The following C1orf54 variants were observed in gnomAD, a reference collection of about 807,000 sequenced individuals.
C1orf54 encodes chromosome 1 open reading frame 54.
A neutral mutation model predicts 14.7 loss-of-function variants in C1orf54; 12 were observed. The ratio of observed to expected loss-of-function variants is 0.82; its 90% confidence interval spans 0.52 to 1.32. The LOEUF (loss-of-function observed/expected upper bound fraction) is 1.32. Ranked by LOEUF, C1orf54 falls within the 40% of genes most tolerant of loss-of-function variation. C1orf54 has a pLI of 0.00. For synonymous variants in C1orf54, 65 were observed against 56.3 expected (o/e 1.16, Z -0.70); for missense variants, 163 against 162.2 (o/e 1.00, Z -0.03).
At chr1:150,279,595 G>A (rs782793663) in intron 4 of C1orf54, 48 bp from the exon 5 acceptor site, 1 of 1,530,250 alleles carries the variant, frequency 6.5e-7, no homozygotes, top group Non-Finnish European at 8.9e-7. Flanking sequence ...AGAAGTGGTA[G>A]GAGGAATGAC....
At chr1:150,278,924 A>C (rs963411214) in intron 4 of C1orf54, among the ~76,000 whole-genome samples, 3 of 152,248 alleles carry the variant, frequency 2.0e-5, no homozygotes, top group Admixed American at 6.5e-5. Flanking sequence ...AGATGAAAGA[A>C]GCCAGTAAGA....
chr1:150,277,502 TAAA>T (rs71083896), intron 4 of C1orf54, among the ~76,000 whole-genome samples: 2,759 of 41,048 alleles, frequency 0.067, 172 homozygotes, highest in African/African-American at 0.2. Flanking sequence ...GACTCTATAC[TAAA>T]AAAAAAAAAA....
At chr1:150,280,322 T>C (rs974247067) in intron 5 of C1orf54, among the ~76,000 whole-genome samples, 25 of 152,258 alleles carry the variant, frequency 1.6e-4, no homozygotes, top group African/African-American at 6.0e-4. Flanking sequence ...CAGACTTTTG[T>C]GATGAGTCAT....
At chr1:150,278,586 T>C (rs1652854932) in intron 4 of C1orf54, among the ~76,000 whole-genome samples, 1 of 151,962 alleles carries the variant, frequency 6.6e-6, no homozygotes, top group African/African-American at 2.4e-5. Context: ...GGAAGAGAAA[T>C]TAATGAATGG....
At chr1:150,270,283 C>T (rs952089375), upstream of C1orf54, among the ~76,000 whole-genome samples, 1 of 152,134 alleles carries the variant, frequency 6.6e-6, no homozygotes, top group Admixed American at 6.5e-5. Context: ...TATGTGCACA[C>T]TCACATACAT....
upstream of C1orf54, among the ~76,000 whole-genome samples, chr1:150,271,048 A>G (rs1483402556): frequency 2.6e-5 from 4 of 151,604 alleles, no homozygotes; most frequent in Admixed American, 2.0e-4. Flanking sequence ...CCTGTGTTCA[A>G]GACTCCAGTA....
At chr1:150,269,279 C>CA (rs1553850784), upstream of C1orf54, 1 of 181,684 alleles carries the variant, frequency 5.5e-6, no homozygotes, top group East Asian at 1.5e-4. Context: ...AAAGTGGTAG[C>CA]AATCATACCT....
chr1:150,272,405 G>T (rs1652273074), upstream of C1orf54: 1 of 180,454 alleles, frequency 5.5e-6, no homozygotes. Flanking sequence ...GCAACTCTGG[G>T]TGGTGATGGT....
At chr1:150,279,037 G>A (rs1553852990) in intron 4 of C1orf54, among the ~76,000 whole-genome samples, 2 of 152,234 alleles carry the variant, frequency 1.3e-5, no homozygotes, top group Admixed American at 6.5e-5. Context: ...TTTGGGAGCT[G>A]AGGTGGGCGG....
Position 150,275,767 on chromosome 1 carries a change from G to T in C1orf54, c.157G>T (p.Asp53Tyr), listed in dbSNP as rs782467459. 4.3e-6 allele frequency: 7 copies of T among 1,612,314 alleles called. No individual in the cohort carries two copies. The highest frequency in any genetic ancestry group is 1.7e-5 in the Admixed American group (1 of 59,976). The change falls in exon 3 of 6, where the codon GAT becomes TAT. Residue 53 changes from aspartate (D) to tyrosine (Y), a missense_variant. By Grantham distance (160) the Asp-to-Tyr change is radical. Coordinates refer to ENST00000369099, the MANE Select transcript of C1orf54 (RefSeq NM_024579.4). ...TGACTTTAGTGCAGATTTCACCATT[G>T]ATTACTCCATATTTGAGTCAGAGGA... ...YDDFSADFTI[D>Y]YSIFESEDRL... is the part of the protein sequence containing the mutation.
Position 150,272,921 on chromosome 1 carries a change from G to A in C1orf54, c.46+58G>A, listed in dbSNP as rs73011383. Reference sequence around the variant, plus strand: ...CAGGTCTTCTACCATAAATGGGGTGGGAGAAAAAAAATGAGGAGTGGGTGA... The same window carrying A: ...CAGGTCTTCTACCATAAATGGGGTGAGAGAAAAAAAATGAGGAGTGGGTGA... On this transcript the variant is annotated intron_variant, in intron 1 of 5. Transcript: ENST00000369099. 3.4e-3 allele frequency: 5,313 copies of A among 1,583,606 alleles called. 166 individuals carry two copies. In the African/African-American group the frequency reaches 0.064, roughly 19 times the overall value.
chr1:150,273,498 A>G (rs1205180144), intron 1 of C1orf54, among the ~76,000 whole-genome samples: 1 of 152,246 alleles, frequency 6.6e-6, no homozygotes, highest in Admixed American at 6.5e-5. Flanking sequence ...ATCCAGTCAT[A>G]TCAAAGCCAC....
At chr1:150,278,072 G>C (rs1009864181) in intron 4 of C1orf54, among the ~76,000 whole-genome samples, 21 of 148,722 alleles carry the variant, frequency 1.4e-4, no homozygotes, top group Admixed American at 7.5e-4. Context: ...ACTCCAGCCT[G>C]GGAAACAAGA....
intron 2 of C1orf54, among the ~76,000 whole-genome samples, chr1:150,274,373 G>A (rs1652459277): frequency 6.6e-6 from 1 of 152,090 alleles, no homozygotes; most frequent in Non-Finnish European, 1.5e-5. Context: ...GGCTGAGGCG[G>A]GCGGATCACG....
chr1:150,272,678 C>G, upstream of C1orf54: 1 of 788,662 alleles, frequency 1.3e-6, no homozygotes, highest in Non-Finnish European at 2.1e-6. Context: ...AGCCAGTAGG[C>G]GGGGAGTTCT....
At chr1:150,280,704 T>C (rs1439981411) in intron 5 of C1orf54, 131 bp from the exon 6 acceptor site, 11 of 686,112 alleles carry the variant, frequency 1.6e-5, no homozygotes, top group African/African-American at 1.3e-4. Flanking sequence ...CACACACATC[T>C]TTCCCAGGAG....
chr1:150,279,852 G>C, intron 5 of C1orf54, 111 bp downstream of exon 5: 1 of 932,044 alleles, frequency 1.1e-6, no homozygotes, highest in South Asian at 1.6e-5. Context: ...TTTCCAGCCT[G>C]GTCAATTATC....
At chr1:150,275,508 AAAG>A (rs781927975) in intron 2 of C1orf54, among the ~76,000 whole-genome samples, 50 of 152,298 alleles carry the variant, frequency 3.3e-4, no homozygotes, top group East Asian at 5.8e-4. Flanking sequence ...GACTCTAAAA[AAAG>A]AAGAACTTGA....
At chr1:150,274,617 A>G (rs1292942927) in intron 2 of C1orf54, among the ~76,000 whole-genome samples, 3 of 148,670 alleles carry the variant, frequency 2.0e-5, no homozygotes, top group Non-Finnish European at 4.5e-5. Context: ...AAAAATGAAA[A>G]AAGATTTATG....
Sources: allele counts gnomAD v4.1 joint callset (sites outside exome capture counted in the v4.1 genomes callset), GRCh38; gene constraint gnomAD v4.1.1; transcripts MANE v1.5; gene names NCBI Gene and HGNC (gene_info 2026-07-23, HGNC 2026-07-21).